The following ITFG1 variants were observed in gnomAD, a reference collection of about 807,000 sequenced individuals.
The protein encoded by ITFG1 is integrin alpha FG-GAP repeat containing 1.
Under a neutral mutation model 81.8 loss-of-function variants are expected in ITFG1, and 34 were observed. The observed-to-expected ratio is 0.42, with a 90% CI of 0.32 to 0.55. ITFG1 has a LOEUF of 0.55. Among genes scored for constraint, ITFG1 ranks in the 20% least tolerant of loss-of-function variants. The pLI, the probability that ITFG1 is intolerant of heterozygous loss-of-function variation, is 0.17. For missense variants in ITFG1, 672 were observed against 755.4 expected (o/e 0.89, Z 1.29); for synonymous variants, 285 against 270.6 (o/e 1.05, Z -0.52).
intron 11 of ITFG1, among the ~76,000 whole-genome samples, chr16:47,259,519 A>T (rs1567438238): frequency 6.6e-6 from 1 of 152,212 alleles, no homozygotes; most frequent in Non-Finnish European, 1.5e-5. Flanking sequence ...ACAAGATTTG[A>T]TTGCAGGAGA....
intron 14 of ITFG1, among the ~76,000 whole-genome samples, chr16:47,212,042 T>C (rs1027504716): frequency 1.3e-5 from 2 of 151,924 alleles, no homozygotes; most frequent in Non-Finnish European, 2.9e-5. Flanking sequence ...ATTGCAGGCA[T>C]GGGCTACCAT....
chr16:47,438,078 C>T (rs1969192493), intron 5 of ITFG1, among the ~76,000 whole-genome samples: 1 of 152,226 alleles, frequency 6.6e-6, no homozygotes, highest in Non-Finnish European at 1.5e-5. Flanking sequence ...CAAAGCCTCA[C>T]TCACTGCTAG....
chr16:47,163,183 T>G (rs1964836185), intron 14 of ITFG1, among the ~76,000 whole-genome samples: 1 of 152,212 alleles, frequency 6.6e-6, no homozygotes, highest in South Asian at 2.1e-4. Flanking sequence ...AGTGTACAGT[T>G]AAGTGGTTTT....
At chr16:47,412,653 G>A (rs902424557) in intron 6 of ITFG1, among the ~76,000 whole-genome samples, 31 of 147,702 alleles carry the variant, frequency 2.1e-4, no homozygotes, top group Admixed American at 5.5e-4. Context: ...CAAGATTTGC[G>A]CCACTGCACT....
intron 6 of ITFG1, among the ~76,000 whole-genome samples, chr16:47,404,905 T>C (rs1198888340): frequency 6.6e-6 from 1 of 152,196 alleles, no homozygotes; most frequent in Admixed American, 6.5e-5. Flanking sequence ...TAAACACATA[T>C]GTTTATTGGC....
rs749515707 is a variant in ITFG1, at chr16:47,461,023, G to T, written c.23C>A (p.Pro8Gln). 4 of 1,544,862 alleles carry T rather than the reference G, an allele frequency of 2.6e-6. No individual in the cohort carries two copies. The highest frequency in any genetic ancestry group is 2.7e-5 in the African/African-American group (2 of 73,072). ...CGGCGAGAAGAGGGCCCAGGAGCTC[G>T]GGAGCCGGCCCGCCGCCGCCATGGC... MAAAGRL[P>Q]SSWALFSPLL... The change falls in exon 1 of 18, where the codon CCG becomes CAG. Residue 8 changes from proline to glutamine, a missense_variant. By Grantham distance (76) the Pro-to-Gln change is moderately conservative (BLOSUM62 -1). Transcript: ENST00000320640.
At chr16:47,200,901 C>T (rs372543810) in intron 14 of ITFG1, among the ~76,000 whole-genome samples, 19 of 152,108 alleles carry the variant, frequency 1.2e-4, no homozygotes, top group African/African-American at 2.9e-4. Flanking sequence ...ACTAAACAAA[C>T]GATATATGCA....
chr16:47,449,410 C>T (rs953280595), intron 5 of ITFG1: 4 of 152,186 alleles, frequency 2.6e-5, no homozygotes, highest in African/African-American at 9.7e-5. Flanking sequence ...ATTGCTTAAA[C>T]GTAGTTTTCA....
At chr16:47,347,344 C>G (rs1284049986) in intron 8 of ITFG1, among the ~76,000 whole-genome samples, 1 of 152,228 alleles carries the variant, frequency 6.6e-6, no homozygotes, top group Non-Finnish European at 1.5e-5. Flanking sequence ...TCACTCCCAC[C>G]CTAATACCGC....
intron 7 of ITFG1, 117 bp from the exon 8 acceptor site, chr16:47,365,986 G>T (rs1197452149): frequency 3.5e-6 from 2 of 569,878 alleles, no homozygotes; most frequent in African/African-American, 1.9e-5. Context: ...TTGTTGTATT[G>T]CACAAAAATT....
intron 8 of ITFG1, among the ~76,000 whole-genome samples, chr16:47,351,169 C>T (rs1967948069): frequency 6.6e-6 from 1 of 152,182 alleles, no homozygotes; most frequent in Admixed American, 6.5e-5. Flanking sequence ...GATGCCCTCT[C>T]TCACCACTAA....
At chr16:47,402,051 G>A (rs1329088852) in intron 6 of ITFG1, among the ~76,000 whole-genome samples, 1 of 152,054 alleles carries the variant, frequency 6.6e-6, no homozygotes, top group African/African-American at 2.4e-5. Flanking sequence ...AACTCCACAG[G>A]GCAGAGACGT....
chr16:47,322,086 C>T (rs1427824492), intron 8 of ITFG1, among the ~76,000 whole-genome samples: 2 of 152,088 alleles, frequency 1.3e-5, no homozygotes, highest in African/African-American at 2.4e-5. Flanking sequence ...TAAAGTTCTG[C>T]ACATATACAG....
At position 47,159,544 on chromosome 16, in the gene ITFG1, A is replaced by G. The variant is rs567301136; in HGVS notation, c.1662-554T>C. On this transcript the variant is annotated intron_variant, in intron 16 of 17. Transcript: ENST00000320640. ...CATTACTACAATGACTTTTAGGTTC[A>G]GATCACTTACAAAATCATCTTTAGT... Among the ~76,000 whole-genome samples, 5 of 152,286 alleles carry G rather than the reference A, an allele frequency of 3.3e-5. No individual in the cohort carries two copies. In the East Asian group the frequency reaches 9.6e-4, roughly 29 times the overall value.
intron 10 of ITFG1, among the ~76,000 whole-genome samples, chr16:47,285,527 G>T (rs1254447596): frequency 2.0e-5 from 3 of 152,184 alleles, no homozygotes; most frequent in Non-Finnish European, 4.4e-5. Flanking sequence ...AGAGGCCTGG[G>T]CTTGCAACTA....
At chr16:47,263,925 C>A (rs1463240228) in intron 10 of ITFG1, among the ~76,000 whole-genome samples, 1 of 152,134 alleles carries the variant, frequency 6.6e-6, no homozygotes, top group Non-Finnish European at 1.5e-5. Flanking sequence ...AAGTAGAACC[C>A]AGCATCTTGC....
intron 13 of ITFG1, among the ~76,000 whole-genome samples, chr16:47,224,728 C>T (rs1434210492): frequency 6.6e-6 from 1 of 152,060 alleles, no homozygotes; most frequent in African/African-American, 2.4e-5. Flanking sequence ...TCAAAATAAA[C>T]TGCCTTCAAG....
chr16:47,357,610 G>C lies in ITFG1; in HGVS notation c.802+8178C>G, dbSNP rs1399584071. On this transcript the variant is annotated intron_variant, in intron 8 of 17. Transcript: ENST00000320640. ...AGCCTAGGTGACAGAGCAAGACTCCGTCTCAAAAAAAAAAAAAAAAAAAAA... is the reference window on the plus strand; with the variant it reads ...AGCCTAGGTGACAGAGCAAGACTCCCTCTCAAAAAAAAAAAAAAAAAAAAA... 8.3e-5 allele frequency among the ~76,000 whole-genome samples: 10 copies of C among 119,868 alleles called. No homozygotes were observed. In the Admixed American group the frequency reaches 9.9e-4, roughly 12 times the overall value. The allele number at this position is 119,868 out of a possible 152,430, so 78.6% of individuals were successfully genotyped here.
At chr16:47,382,341 G>T (rs1270730772) in intron 6 of ITFG1, among the ~76,000 whole-genome samples, 1 of 152,150 alleles carries the variant, frequency 6.6e-6, no homozygotes, top group Non-Finnish European at 1.5e-5. Flanking sequence ...TATCAGAAAC[G>T]TGCTTGAATT....
Sources: gnomAD v4.1 joint callset for allele counts (sites outside exome capture counted in the v4.1 genomes callset) on GRCh38, gnomAD v4.1.1 for gene constraint, MANE v1.5 for transcripts, NCBI Gene and HGNC (gene_info 2026-07-23, HGNC 2026-07-21) for gene names.